FXR1: variants seen among roughly 807,000 people sequenced by gnomAD.
FXR1 encodes RNA-binding protein FXR1.
FXR1 carries 15 observed loss-of-function variants against 84.0 expected under a neutral mutation model. The ratio of observed to expected loss-of-function variants is 0.18; its 90% CI spans 0.12 to 0.27. FXR1 has a LOEUF of 0.27. Among genes scored for constraint, FXR1 ranks in the 10% least tolerant of loss-of-function variants. FXR1 has a pLI of 1.00. For missense variants in FXR1, 480 were observed against 774.4 expected, an observed-to-expected ratio of 0.62 and a Z score of 4.51; for synonymous variants, 245 against 250.7, an observed-to-expected ratio of 0.98 and a Z score of 0.21.
chr3:180,950,741 T>C (rs1722148796), intron 7 of FXR1, among the ~76,000 whole-genome samples: 2 of 152,198 alleles, frequency 1.3e-5, no homozygotes, highest in Non-Finnish European at 2.9e-5. Flanking sequence ...TTTAGTCTTT[T>C]TTGTGACTGG....
intron 3 of FXR1, among the ~76,000 whole-genome samples, chr3:180,942,243 T>G (rs1721201268): frequency 6.6e-6 from 1 of 151,872 alleles, no homozygotes; most frequent in Non-Finnish European, 1.5e-5. Context: ...CCAGGTGTGG[T>G]AGCGGGTGCC....
chr3:180,933,263 A>G, intron 1 of FXR1, 71 bp from the exon 2 acceptor site: 1 of 877,550 alleles, frequency 1.1e-6, no homozygotes, highest in South Asian at 1.4e-5. Flanking sequence ...TTATCTTTGA[A>G]CTAATACAAC....
At chr3:180,920,182 A>G (rs183081032) in intron 1 of FXR1, among the ~76,000 whole-genome samples, 84 of 152,296 alleles carry the variant, frequency 5.5e-4, no homozygotes, top group African/African-American at 1.8e-3. Context: ...CTTAATCTAC[A>G]TAATTAATCA....
At chr3:180,926,506 A>ATATATATATTT (rs72192827) in intron 1 of FXR1, among the ~76,000 whole-genome samples, 34 of 124,374 alleles carry the variant, frequency 2.7e-4, no homozygotes, top group Admixed American at 5.0e-4. Context: ...ATATATATAT[A>ATATATATATTT]TTTTTTTTTC....
In FXR1 at chr3:180,976,469, A is replaced by C. The variant is rs1441516966; in HGVS notation, c.*177A>C. The C allele has an allele frequency of 1.0e-5, 5 of 477,550 alleles. No homozygotes were observed. The highest frequency in any genetic ancestry group is 1.9e-5 in the Non-Finnish European group (5 of 266,272). The allele number at this position is 477,550 out of a possible 1,614,324, so 29.6% of individuals were successfully genotyped here. A position where few individuals can be genotyped will look rare whatever the true frequency, so the allele number is the denominator to read the frequency against. Reference sequence around the variant, plus strand: ...AATCATATGTTAAACATACTTTGACACCTACTGTGTTATAAAATATATCAT... The same window carrying C: ...AATCATATGTTAAACATACTTTGACCCCTACTGTGTTATAAAATATATCAT... On this transcript the variant is annotated 3_prime_UTR_variant, in exon 17 of 17. Transcript: ENST00000357559.
intron 1 of FXR1, among the ~76,000 whole-genome samples, chr3:180,923,922 A>G (rs1273679488): frequency 6.6e-6 from 1 of 151,770 alleles, no homozygotes; most frequent in East Asian, 1.9e-4. Context: ...AACGATGATC[A>G]CCCAGATCTG....
At chr3:180,928,710 T>G (rs1198944375) in intron 1 of FXR1, among the ~76,000 whole-genome samples, 1 of 152,178 alleles carries the variant, frequency 6.6e-6, no homozygotes, top group Admixed American at 6.5e-5. Flanking sequence ...AAATTTTTAT[T>G]TTACAGCTGC....
In FXR1 at chr3:180,944,984, G is replaced by C. The variant is rs183259907; in HGVS notation, c.199-2881G>C. On this transcript the variant is annotated intron_variant, in intron 3 of 16. Transcript: ENST00000357559. ...AAATCTAACTTTTTCATATTTTCCA[G>C]GTTTTGATGATATATGTATCTACAA... 2.5e-3 allele frequency among the ~76,000 whole-genome samples: 382 copies of C among 152,270 alleles called. 2 individuals are homozygous for C. The highest frequency in any genetic ancestry group is 8.9e-3 in the African/African-American group (369 of 41,540).
chr3:180,925,218 G>C (rs890677660), intron 1 of FXR1, among the ~76,000 whole-genome samples: 1 of 151,966 alleles, frequency 6.6e-6, no homozygotes, highest in Non-Finnish European at 1.5e-5. Context: ...AAAGTTAGCC[G>C]GGCATGGTGG....
chr3:180,931,154 A>C (rs1236508765), intron 1 of FXR1, among the ~76,000 whole-genome samples: 1 of 152,054 alleles, frequency 6.6e-6, no homozygotes, highest in Non-Finnish European at 1.5e-5. Flanking sequence ...TTAATATTTA[A>C]ATTTAGGGAG....
intron 14 of FXR1, among the ~76,000 whole-genome samples, chr3:180,968,718 A>G (rs1713157819): frequency 6.6e-6 from 1 of 152,208 alleles, no homozygotes; most frequent in Admixed American, 6.5e-5. Context: ...AAATTGTGGA[A>G]TTAACTAAGT....
chr3:180,922,892 G>A (rs927224307), intron 1 of FXR1, among the ~76,000 whole-genome samples: 2 of 152,116 alleles, frequency 1.3e-5, no homozygotes, highest in African/African-American at 4.8e-5. Flanking sequence ...GGGATTACAG[G>A]TGTGAGCCAC....
intron 1 of FXR1, among the ~76,000 whole-genome samples, chr3:180,920,122 G>A (rs929664963): frequency 6.6e-6 from 1 of 152,276 alleles, no homozygotes; most frequent in East Asian, 1.9e-4. Flanking sequence ...ATGCGCTCCC[G>A]TGTTGAGATT....
intron 1 of FXR1, among the ~76,000 whole-genome samples, chr3:180,930,392 A>T (rs570691157): frequency 6.6e-6 from 1 of 152,186 alleles, no homozygotes; most frequent in African/African-American, 2.4e-5. Context: ...TTTTAGATAG[A>T]AAAAAGGTTT....
At chr3:180,943,698 C>T (rs534570688) in intron 3 of FXR1, among the ~76,000 whole-genome samples, 2 of 152,260 alleles carry the variant, frequency 1.3e-5, no homozygotes, top group African/African-American at 4.8e-5. Flanking sequence ...AGCATTTCAT[C>T]GTTCAGTGAG....
chr3:180,934,988 A>C, intron 2 of FXR1, 150 bp from the exon 3 acceptor site: 1 of 540,582 alleles, frequency 1.8e-6, no homozygotes. Context: ...TACTTCAGTA[A>C]CTAATTTCTT....
At chr3:180,914,527 A>G (rs1805585) in intron 1 of FXR1, 9,269 of 152,266 alleles carry the variant, frequency 0.061, 374 homozygotes, top group South Asian at 0.1. Flanking sequence ...TATTTTTAGC[A>G]AAGTATATTT....
At chr3:180,963,114 T>C in intron 13 of FXR1, 24 bp downstream of exon 13, 1 of 1,054,846 alleles carries the variant, frequency 9.5e-7, no homozygotes, top group African/African-American at 1.6e-5. Context: ...TTTTTTTTTT[T>C]TTTTTGGTAA....
chr3:180,948,789 C>T lies in FXR1; in HGVS notation c.488C>T (p.Pro163Leu), dbSNP rs1234702741. The T allele has an allele frequency of 3.3e-6, 5 of 1,522,716 alleles. No homozygotes were observed. The highest frequency in any genetic ancestry group is 4.6e-6 in the Non-Finnish European group (5 of 1,097,152). 94.3% of individuals were successfully genotyped at this position (1,522,716 alleles called of 1,614,324 possible). A position where few individuals can be genotyped will look rare whatever the true frequency, so the allele number is the denominator to read the frequency against. ...AVGACRIFYH[P>L]ETTQLMILSA... The stretch of plus-strand genomic sequence containing the variant: ...GGAGCATGCAGAATTTTTTACCATC[C>T]AGAAACAACACAGCTAATGATACTG... The change falls in exon 6 of 17, where the codon CCA becomes CTA. Residue 163 changes from proline (P) to leucine (L), a missense_variant. Physicochemically the swap from Pro to Leu is moderately conservative, Grantham distance 98. Around this residue, in one of 6 missense-constraint regions of FXR1, gnomAD observed 136 missense variants for 315.4 expected, o/e 0.43. Transcript: ENST00000357559.
Sources: allele counts gnomAD v4.1 joint callset (sites outside exome capture counted in the v4.1 genomes callset), GRCh38; gene constraint gnomAD v4.1.1; regional missense constraint gnomAD v4.1.1; transcripts MANE v1.5; gene names NCBI Gene and HGNC (gene_info 2026-07-23, HGNC 2026-07-21).